The following GRIK2 variants were observed in gnomAD, a reference collection of about 807,000 sequenced individuals.
GRIK2 encodes the protein glutamate ionotropic receptor kainate type subunit 2, also known as glutamate receptor ionotropic, kainate 2.
GRIK2 carries 32 observed loss-of-function variants against 100.3 expected under a neutral mutation model. The observed-to-expected ratio is 0.32, with a 90% CI of 0.24 to 0.43. GRIK2 has a LOEUF of 0.43. GRIK2 is among the 20% of genes least tolerant of loss of function. GRIK2 has a pLI of 1.00. For synonymous variants in GRIK2, 417 were observed against 389.4 expected, an observed-to-expected ratio of 1.07 and a Z score of -0.83; for missense variants, 843 against 1,114.9, an observed-to-expected ratio of 0.76 and a Z score of 3.47.
At chr6:101,836,625 A>G (rs1446963435) in intron 10 of GRIK2, among the ~76,000 whole-genome samples, 36 of 134,026 alleles carry the variant, frequency 2.7e-4, no homozygotes, top group African/African-American at 7.0e-4. Flanking sequence ...ATAGTTATAT[A>G]TATATATATA....
chr6:101,566,762 A>T lies in GRIK2; in HGVS notation c.116-55187A>T, dbSNP rs907820787. On this transcript the variant is annotated intron_variant, in intron 2 of 16. Coordinates refer to ENST00000369134, the MANE Select transcript of GRIK2 (RefSeq NM_021956.5). ...TTTTTTATTCTCTATATAAATTTTT[A>T]TATAATAGACATATGTATGCCTATT... Among the ~76,000 whole-genome samples, 9 of 150,192 alleles carry T rather than the reference A, an allele frequency of 6.0e-5. No individual in the cohort carries two copies. In the South Asian group the frequency reaches 1.9e-3, roughly 31 times the overall value.
At chr6:101,516,089 G>T (rs1007676445) in intron 2 of GRIK2, among the ~76,000 whole-genome samples, 3 of 151,854 alleles carry the variant, frequency 2.0e-5, no homozygotes, top group Non-Finnish European at 4.4e-5. Flanking sequence ...GAGTTGAGAT[G>T]ATATAAACAA....
At chr6:101,631,373 G>T (rs1780736515) in intron 4 of GRIK2, among the ~76,000 whole-genome samples, 1 of 152,060 alleles carries the variant, frequency 6.6e-6, no homozygotes, top group Non-Finnish European at 1.5e-5. Context: ...ACTCTGGACT[G>T]GTAAACAGAA....
chr6:101,649,477 G>A (rs1364684708), intron 4 of GRIK2, among the ~76,000 whole-genome samples: 1 of 152,018 alleles, frequency 6.6e-6, no homozygotes, highest in Admixed American at 6.6e-5. Flanking sequence ...TTTAACAAGT[G>A]ATCTTACAGA....
chr6:101,822,369 GTAGAAGAA>G (rs1344274150), intron 10 of GRIK2, among the ~76,000 whole-genome samples: 1 of 151,900 alleles, frequency 6.6e-6, no homozygotes, highest in African/African-American at 2.4e-5. Context: ...AGGACTCACA[GTAGAAGAA>G]TAGACAGCTG....
In GRIK2 at chr6:101,728,244, T is replaced by C. The variant is rs569801004; in HGVS notation, c.951+41891T>C. Among the ~76,000 whole-genome samples, 4 of 152,164 alleles carry C rather than the reference T, an allele frequency of 2.6e-5. No individual in the cohort carries two copies. In the South Asian group the frequency reaches 8.3e-4, roughly 31 times the overall value. ...TAGTTTGGTTAACTTATCACAGCTA[T>C]GGTATAATTTGAGTCAGAAAACTGA... On this transcript the variant is annotated intron_variant, in intron 7 of 16. Coordinates refer to ENST00000369134, the MANE Select transcript of GRIK2 (RefSeq NM_021956.5).
chr6:101,669,307 T>C (rs879331130), intron 4 of GRIK2, among the ~76,000 whole-genome samples: 5 of 152,204 alleles, frequency 3.3e-5, no homozygotes, highest in East Asian at 1.9e-4. Flanking sequence ...AAAATGTTTG[T>C]TTGTAAATTA....
At chr6:101,591,945 G>C (rs1778664040) in intron 2 of GRIK2, among the ~76,000 whole-genome samples, 1 of 152,004 alleles carries the variant, frequency 6.6e-6, no homozygotes, top group South Asian at 2.1e-4. Context: ...AGAGGTATTG[G>C]ATCATGGGGG....
At chr6:101,668,415 A>T (rs560515285) in intron 4 of GRIK2, among the ~76,000 whole-genome samples, 2 of 152,280 alleles carry the variant, frequency 1.3e-5, no homozygotes, top group Non-Finnish European at 2.9e-5. Context: ...CTCTATTTTT[A>T]CAGCATTGCC....
rs957787786 is a variant in GRIK2, at chr6:101,705,285, C to G, written c.951+18932C>G. Reference sequence around the variant, plus strand: ...ATGCACCTTAATTCAGCTTTGTTATCCTTCTTCTTCTTCTTCTTTTTTTTA... The same window carrying G: ...ATGCACCTTAATTCAGCTTTGTTATGCTTCTTCTTCTTCTTCTTTTTTTTA... On this transcript the variant is annotated intron_variant, in intron 7 of 16. Transcript: ENST00000369134. 2.0e-5 allele frequency among the ~76,000 whole-genome samples: 3 copies of G among 150,744 alleles called. No homozygotes were observed. The East Asian group carries it at 5.9e-4, about 29-fold the overall frequency.
intron 2 of GRIK2, among the ~76,000 whole-genome samples, chr6:101,509,310 A>T (rs1774185259): frequency 6.6e-6 from 1 of 152,288 alleles, no homozygotes; most frequent in Non-Finnish European, 1.5e-5. Flanking sequence ...ATTTAAGGCC[A>T]CTTAAAGATA....
At chr6:101,450,622 A>C (rs1283512350) in intron 2 of GRIK2, among the ~76,000 whole-genome samples, 1 of 151,536 alleles carries the variant, frequency 6.6e-6, no homozygotes, top group Non-Finnish European at 1.5e-5. Context: ...GGCAGTAACT[A>C]CTCGGTGTTT....
intron 2 of GRIK2, among the ~76,000 whole-genome samples, chr6:101,468,006 G>A (rs1392460241): frequency 6.6e-6 from 1 of 151,788 alleles, no homozygotes; most frequent in African/African-American, 2.4e-5. Context: ...AAGTCTGCCA[G>A]CACTCTACCC....
chr6:101,991,923 T>C (rs1364012859), intron 14 of GRIK2, among the ~76,000 whole-genome samples: 1 of 151,522 alleles, frequency 6.6e-6, no homozygotes, highest in Non-Finnish European at 1.5e-5. Context: ...TATTTGTACA[T>C]GTGAAGCATA....
At chr6:101,872,393 C>A (rs1785485388) in intron 11 of GRIK2, among the ~76,000 whole-genome samples, 1 of 151,782 alleles carries the variant, frequency 6.6e-6, no homozygotes, top group South Asian at 2.1e-4. Context: ...CACATGGCAG[C>A]AGCAGGGAAA....
At chr6:102,040,446 C>CTAAAG (rs1210035451) in intron 15 of GRIK2, among the ~76,000 whole-genome samples, 2 of 151,424 alleles carry the variant, frequency 1.3e-5, no homozygotes, top group Non-Finnish European at 3.0e-5. Context: ...CATAATTAGC[C>CTAAAG]TAAAGTAAAA....
chr6:101,897,200 A>G (rs1017310748), intron 12 of GRIK2, among the ~76,000 whole-genome samples: 8 of 151,700 alleles, frequency 5.3e-5, no homozygotes, highest in Non-Finnish European at 1.2e-4. Context: ...CAAGAATAAT[A>G]CTGGTTTATC....
At chr6:101,625,739 A>T (rs1320682258) in intron 3 of GRIK2, among the ~76,000 whole-genome samples, 1 of 152,198 alleles carries the variant, frequency 6.6e-6, no homozygotes, top group African/African-American at 2.4e-5. Context: ...AAAAAATAGA[A>T]TAATAGAAAA....
At chr6:101,660,300 G>A (rs549797113) in intron 4 of GRIK2, among the ~76,000 whole-genome samples, 2 of 151,868 alleles carry the variant, frequency 1.3e-5, no homozygotes, top group East Asian at 1.9e-4. Flanking sequence ...TGAAATTCTC[G>A]TGCTGTGTTT....
Sources: gnomAD v4.1 joint callset for allele counts (sites outside exome capture counted in the v4.1 genomes callset) on GRCh38, gnomAD v4.1.1 for gene constraint, MANE v1.5 for transcripts, NCBI Gene and HGNC (gene_info 2026-07-23, HGNC 2026-07-21) for gene names.